The following NUP214 variants were observed in gnomAD, a reference collection of about 807,000 sequenced individuals.
NUP214 encodes the protein nucleoporin 214.
In NUP214, 79 loss-of-function variants were observed where a neutral mutation model predicts 196.2. The ratio of observed to expected loss-of-function variants is 0.40; its 90% confidence interval spans 0.34 to 0.49. The LOEUF is 0.49. Ranked by LOEUF, NUP214 falls within the 20% of genes least tolerant of loss-of-function variation. The pLI, the probability that NUP214 is intolerant of heterozygous loss-of-function variation, is 0.58. For missense variants in NUP214, 2,468 were observed against 2,539.0 expected (o/e 0.97, Z 0.60); for synonymous variants, 1,020 against 990.5 (o/e 1.03, Z -0.56).
chr9:131,126,065 C>T, intron 1 of NUP214: 1 of 395,700 alleles, frequency 2.5e-6, no homozygotes, highest in East Asian at 5.1e-5. Context: ...ATCGCGGCAG[C>T]CCTACGAAGT....
At position 131,190,807 on chromosome 9, in the gene NUP214, T is replaced by C. The variant is rs144629667; in HGVS notation, c.3575-1401T>C. On this transcript the variant is annotated intron_variant, in intron 26 of 35. Transcript: ENST00000359428. Reference sequence around the variant, plus strand: ...TTAAAGAAAAATATCCTATATACTGTATATCCTATATATATTGATTTTGTA... The same window carrying C: ...TTAAAGAAAAATATCCTATATACTGCATATCCTATATATATTGATTTTGTA... 2.0e-3 allele frequency: 359 copies of C among 179,346 alleles called. 4 individuals are homozygous for C. The highest frequency in any genetic ancestry group is 8.0e-3 in the African/African-American group (340 of 42,456). The allele number at this position is 179,346 out of a possible 1,614,324, so 11.1% of individuals were successfully genotyped here. A position where few individuals can be genotyped will look rare whatever the true frequency, so the allele number is the denominator to read the frequency against.
rs539623821 is a variant in NUP214 at position 131,216,132 on chromosome 9, C to T, written c.5749+764C>T. 1.4e-4 allele frequency among the ~76,000 whole-genome samples: 22 copies of T among 151,758 alleles called. No individual in the cohort carries two copies. In the South Asian group the frequency reaches 2.7e-3, roughly 19 times the overall value. On this transcript the variant is annotated intron_variant, in intron 31 of 35. Transcript: ENST00000359428. ...TGACCAGGCTGGTCTCAAACTTCTCCGCCCGCCTCGGCCTCCCAAAGTGCT... is the reference window on the plus strand; with the variant it reads ...TGACCAGGCTGGTCTCAAACTTCTCTGCCCGCCTCGGCCTCCCAAAGTGCT...
At chr9:131,151,915 T>C (rs765253949) in intron 17 of NUP214, 21 bp downstream of exon 17, 35 of 1,543,834 alleles carry the variant, frequency 2.3e-5, no homozygotes, top group Non-Finnish European at 2.7e-5. Flanking sequence ...TATGTAAATC[T>C]GTTTAAAAGA....
At chr9:131,127,141 G>A (rs773669999) in intron 1 of NUP214, 2 of 156,716 alleles carry the variant, frequency 1.3e-5, no homozygotes, top group African/African-American at 2.4e-5. Context: ...CTTGCACTTT[G>A]GGAGGCTGAG....
intron 23 of NUP214, among the ~76,000 whole-genome samples, chr9:131,176,324 T>G (rs77736622): frequency 6.9e-6 from 1 of 144,724 alleles, no homozygotes; most frequent in South Asian, 2.2e-4. Context: ...TGCATGAAGC[T>G]TTTTTTTTTT....
chr9:131,128,076 C>T (rs543191975), intron 2 of NUP214, among the ~76,000 whole-genome samples: 16 of 152,258 alleles, frequency 1.1e-4, no homozygotes, highest in Middle Eastern at 3.4e-3. Flanking sequence ...CTATTTAGAG[C>T]ATTGTTGCAA....
At chr9:131,182,557 G>A (rs1029636519) in intron 24 of NUP214, among the ~76,000 whole-genome samples, 7 of 152,188 alleles carry the variant, frequency 4.6e-5, no homozygotes, top group Non-Finnish European at 7.3e-5. Flanking sequence ...TCCGCTGTCC[G>A]TCTGTGGAAA....
intron 35 of NUP214, chr9:131,233,108 C>G (rs984849878): frequency 6.5e-6 from 1 of 153,526 alleles, no homozygotes; most frequent in Non-Finnish European, 1.4e-5. Flanking sequence ...GTCAGGAGTT[C>G]GAGACCAGCC....
At chr9:131,130,137 G>GTTTTTTTTTTTTGTTT (rs1831492300) in intron 4 of NUP214, among the ~76,000 whole-genome samples, 1 of 76,894 alleles carries the variant, frequency 1.3e-5, no homozygotes, top group African/African-American at 5.0e-5. Context: ...TTCTGGTTTT[G>GTTTTTTTTTTTTGTTT]TTTTTTTTTT....
intron 9 of NUP214, among the ~76,000 whole-genome samples, chr9:131,137,951 G>A (rs1831788405): frequency 1.3e-5 from 2 of 152,108 alleles, no homozygotes; most frequent in African/African-American, 4.8e-5. Context: ...CTTCTCTTTT[G>A]TAAAATTGCA....
In NUP214 at chr9:131,146,446, T is replaced by G; in HGVS notation, c.1945+142T>G. 1.2e-6 allele frequency: 1 copy of G among 825,820 alleles called. No homozygotes were observed. The allele number at this position is 825,820 out of a possible 1,614,324, so 51.2% of individuals were successfully genotyped here. ...TATCATACATTAATGATTAATGTGC[T>G]GTGATTTTCATACTCTGAATTGGGA... On this transcript the variant is annotated intron_variant, in intron 13 of 35. Transcript: ENST00000359428. The surrounding 1 kb of genome is among the most constrained non-coding windows in gnomAD (Gnocchi z 4.6).
chr9:131,215,093 G>T, intron 30 of NUP214, 119 bp from the exon 31 acceptor site: 1 of 873,548 alleles, frequency 1.1e-6, no homozygotes. Context: ...ATTTGTACCA[G>T]AACTAATCTT....
At chr9:131,140,848 T>C in intron 11 of NUP214, 138 bp downstream of exon 11, 1 of 781,162 alleles carries the variant, frequency 1.3e-6, no homozygotes, top group Non-Finnish European at 1.9e-6. Flanking sequence ...CACACACTAA[T>C]CTTTTTTTTA....
intron 30 of NUP214, among the ~76,000 whole-genome samples, chr9:131,205,391 G>A (rs1001995726): frequency 3.9e-5 from 6 of 152,180 alleles, no homozygotes; most frequent in African/African-American, 1.4e-4. Context: ...TTGCTAGTGA[G>A]AGTGTAAATT....
At chr9:131,187,071 T>G in intron 24 of NUP214, 1 of 529,744 alleles carries the variant, frequency 1.9e-6, no homozygotes, top group Non-Finnish European at 3.4e-6. Context: ...GGAAATAAGT[T>G]ATAAGGCCAC....
chr9:131,196,025 T>TCCCTCTCCCCCCCCC lies in NUP214; in HGVS notation c.3721+734_3721+735insTCTCCCCCCCCCCCC, dbSNP rs1554737949. Among the ~76,000 whole-genome samples, 3 of 3,668 alleles carry TCCCTCTCCCCCCCCC rather than the reference T, an allele frequency of 8.2e-4. 1 individual carries two copies. The highest frequency in any genetic ancestry group is 4.4e-3 in the Admixed American group (1 of 228). The allele number at this position is 3,668 out of a possible 152,430, so 2.4% of individuals were successfully genotyped here. ...GGCAACAAGAGTGAAACTCTGTGTGTCCCCCCCCCCCCCCGCGCCAAAAAA... is the reference window on the plus strand; with the variant it reads ...GGCAACAAGAGTGAAACTCTGTGTGTCCCTCTCCCCCCCCCCCCCCCCCCCCCCCGCGCCAAAAAA... On this transcript the variant is annotated intron_variant, in intron 28 of 35. Transcript: ENST00000359428.
In NUP214 at chr9:131,128,502, G is replaced by A. The variant is rs377588756; in HGVS notation, c.393+19G>A. On this transcript the variant is annotated intron_variant, in intron 3 of 35. Transcript: ENST00000359428. ...AAATGAGGTAAGCTACTGTTATACT[G>A]TGATGTCAACATGAGAACCCTAAGC... 2.8e-5 allele frequency: 45 copies of A among 1,593,042 alleles called. No individual in the cohort carries two copies. The highest frequency in any genetic ancestry group is 3.9e-5 in the Non-Finnish European group (45 of 1,166,234).
chr9:131,230,418 G>C, intron 33 of NUP214: 1 of 572,038 alleles, frequency 1.7e-6, no homozygotes, highest in Non-Finnish European at 3.1e-6. Flanking sequence ...ATTTCATACT[G>C]TAGTCCTGCC....
At chr9:131,206,404 C>T (rs1474583574) in intron 30 of NUP214, among the ~76,000 whole-genome samples, 2 of 151,690 alleles carry the variant, frequency 1.3e-5, no homozygotes, top group African/African-American at 4.8e-5. Flanking sequence ...CCTCGGCCTC[C>T]CAAAGTGCTG....
Sources: gnomAD v4.1 joint callset for allele counts (sites outside exome capture counted in the v4.1 genomes callset) on GRCh38, gnomAD v4.1.1 for gene constraint, Gnocchi (gnomAD v3.1) non-coding constraint, MANE v1.5 for transcripts, NCBI Gene and HGNC (gene_info 2026-07-23, HGNC 2026-07-21) for gene names.